TNIK: variants seen among roughly 807,000 people sequenced by gnomAD.
TNIK encodes TRAF2 and NCK-interacting protein kinase.
A neutral mutation model predicts 191.3 loss-of-function variants in TNIK; 49 were observed. That is an observed-to-expected ratio of 0.26 (90% CI 0.20 to 0.32). TNIK has a LOEUF of 0.32. TNIK is among the 10% of genes least tolerant of loss of function. The pLI is 1.00. For missense variants in TNIK, 1,155 were observed against 1,702.3 expected (o/e 0.68, Z 5.66); for synonymous variants, 594 against 600.9 (o/e 0.99, Z 0.17).
chr3:171,381,950 G>T lies in TNIK; in HGVS notation c.58-12265C>A, dbSNP rs572124578. 9.2e-5 allele frequency among the ~76,000 whole-genome samples: 14 copies of T among 152,298 alleles called. 2 individuals are homozygous for T. The highest frequency in any genetic ancestry group is 3.4e-4 in the African/African-American group (14 of 41,562). ...AATAAAATGATCCTATGGTTCTGAC[G>T]ATCATGGAGCTACCATGCTACCGCT... On this transcript the variant is annotated intron_variant, in intron 1 of 32. Transcript: ENST00000436636.
In TNIK at chr3:171,312,787, G is replaced by C. The variant is rs370193057; in HGVS notation, c.123+56833C>G. Among the ~76,000 whole-genome samples, 4 of 152,050 alleles carry C rather than the reference G, an allele frequency of 2.6e-5. No homozygotes were observed. The East Asian group carries it at 7.7e-4, about 29-fold the overall frequency. ...TTCATGGCCTTACCTGTGTGTCTCTGACAATATTACTACTTTGGCTTTCAC... is the reference window on the plus strand; with the variant it reads ...TTCATGGCCTTACCTGTGTGTCTCTCACAATATTACTACTTTGGCTTTCAC... On this transcript the variant is annotated intron_variant, in intron 2 of 32. Transcript: ENST00000436636.
At chr3:171,217,339 C>G (rs965176354) in intron 3 of TNIK, among the ~76,000 whole-genome samples, 1 of 152,068 alleles carries the variant, frequency 6.6e-6, no homozygotes, top group Non-Finnish European at 1.5e-5. Context: ...TGAATGGGTG[C>G]TAAGCATTGG....
At chr3:171,338,706 T>C (rs1386252961) in intron 2 of TNIK, among the ~76,000 whole-genome samples, 1 of 150,644 alleles carries the variant, frequency 6.6e-6, no homozygotes, top group Non-Finnish European at 1.5e-5. Flanking sequence ...GATTTCATCA[T>C]GTTGCCCAAG....
chr3:171,157,384 G>T, intron 12 of TNIK, 76 bp downstream of exon 12: 1 of 1,504,140 alleles, frequency 6.6e-7, no homozygotes. Flanking sequence ...GGTGGGATGT[G>T]GGCCCCCAGG....
Position 171,159,400 on chromosome 3 carries a change from GTAGT to G in TNIK, c.1017-1740_1017-1737del, listed in dbSNP as rs35763361. On this transcript the variant is annotated intron_variant, in intron 11 of 32. Transcript: ENST00000436636. The surrounding 1 kb of genome is among the most constrained non-coding windows in gnomAD (Gnocchi z 4.1). ...GAGGACCAAGGATCGGTTTTGGAGA[GTAGT>G]TAGTGTGCTGTGTGAGATACTGCCA... 0.52 allele frequency among the ~76,000 whole-genome samples: 78,216 copies of G among 151,262 alleles called. 21,476 individuals are homozygous for G. Among genetic ancestry groups the G allele is most frequent in the East Asian group, 0.87 (4,454 of 5,106 alleles).
chr3:171,413,692 T>C (rs1164587770), intron 1 of TNIK, among the ~76,000 whole-genome samples: 5 of 152,224 alleles, frequency 3.3e-5, no homozygotes, highest in African/African-American at 1.2e-4. Flanking sequence ...TTTACTACTA[T>C]GTAACTTTCC....
chr3:171,363,495 G>A (rs1715272093), intron 2 of TNIK, among the ~76,000 whole-genome samples: 1 of 151,486 alleles, frequency 6.6e-6, no homozygotes, highest in Admixed American at 6.6e-5. Context: ...CTTTATGTTA[G>A]AAATTCTTGA....
intron 24 of TNIK, among the ~76,000 whole-genome samples, chr3:171,085,948 C>T (rs1055208509): frequency 1.3e-5 from 2 of 152,084 alleles, no homozygotes; most frequent in Non-Finnish European, 2.9e-5. Context: ...AACATGATGT[C>T]AGAAGGAGAT....
intron 12 of TNIK, among the ~76,000 whole-genome samples, chr3:171,142,821 C>T (rs537389832): frequency 6.6e-6 from 1 of 152,178 alleles, no homozygotes; most frequent in Admixed American, 6.5e-5. Flanking sequence ...TGGATCCTGG[C>T]AGGAAATAGC....
At chr3:171,345,870 CAG>C (rs1209208667) in intron 2 of TNIK, among the ~76,000 whole-genome samples, 1 of 152,044 alleles carries the variant, frequency 6.6e-6, no homozygotes, top group Non-Finnish European at 1.5e-5. Context: ...TCAACAAAAA[CAG>C]AATCCTTATT....
intron 2 of TNIK, among the ~76,000 whole-genome samples, chr3:171,295,258 T>C (rs1752157923): frequency 6.6e-6 from 1 of 152,188 alleles, no homozygotes. Context: ...TAGGTTATGT[T>C]TCTTCAAAGC....
At chr3:171,223,676 C>A (rs1053925938) in intron 3 of TNIK, among the ~76,000 whole-genome samples, 11 of 152,056 alleles carry the variant, frequency 7.2e-5, no homozygotes, top group Non-Finnish European at 1.6e-4. Flanking sequence ...TGGTTAGCTG[C>A]TGAAAGGATC....
chr3:171,451,507 T>C (rs756555953), intron 1 of TNIK, among the ~76,000 whole-genome samples: 13 of 152,242 alleles, frequency 8.5e-5, no homozygotes, highest in Admixed American at 2.0e-4. Context: ...AAATGGTTAT[T>C]GTTGTTTAGG....
intron 10 of TNIK, among the ~76,000 whole-genome samples, chr3:171,161,893 A>G (rs1313756430): frequency 2.6e-5 from 4 of 151,748 alleles, no homozygotes; most frequent in Admixed American, 2.0e-4. Flanking sequence ...GCACTCTAGC[A>G]TGGGCGACAG....
chr3:171,058,887 C>T lies in TNIK; in HGVS notation c.*4994G>A, dbSNP rs1369227946. On this transcript the variant is annotated 3_prime_UTR_variant, in exon 33 of 33. Transcript: ENST00000436636. ...AGCTGTAATCTTTTGTTTCCTGCTG[C>T]CACCTAACATTTGAAGTTTTGATTC... Among the ~76,000 whole-genome samples the T allele has an allele frequency of 6.6e-6, 1 of 152,168 alleles. No homozygotes were observed. Among genetic ancestry groups the T allele is most frequent in the African/African-American group, 2.4e-5 (1 of 41,452 alleles).
chr3:171,123,076 A>G (rs1054389712), intron 18 of TNIK, among the ~76,000 whole-genome samples: 1 of 152,220 alleles, frequency 6.6e-6, no homozygotes, highest in Non-Finnish European at 1.5e-5. Context: ...CAAAGAGGCA[A>G]CTTCCTCGTA....
chr3:171,154,880 C>A (rs1732962059), intron 12 of TNIK, among the ~76,000 whole-genome samples: 1 of 152,214 alleles, frequency 6.6e-6, no homozygotes, highest in African/African-American at 2.4e-5. Flanking sequence ...AAGCCACGTC[C>A]TTTTCATAAA....
chr3:171,093,892 C>T lies in TNIK; in HGVS notation c.2668G>A (p.Ala890Thr), dbSNP rs1026090427. Residue 890 changes from alanine (A) to threonine (T), a missense_variant, in exon 23 of 33, where the codon GCG becomes ACG. Coordinates refer to ENST00000436636, the MANE Select transcript of TNIK (RefSeq NM_015028.4). The part of the protein sequence containing the change: ...VGTHGLETSH[A>T]DSFSGSISRE... ...GAAATACTGCCGCTGAAACTGTCCG[C>T]ATGAGAGGTCTCCAGCCCATGCGTC... 7.4e-6 allele frequency: 12 copies of T among 1,613,836 alleles called. No homozygotes were observed. Among genetic ancestry groups the T allele is most frequent in the South Asian group, 1.1e-5 (1 of 91,080 alleles).
At chr3:171,154,415 A>G (rs1732903500) in intron 12 of TNIK, among the ~76,000 whole-genome samples, 1 of 152,212 alleles carries the variant, frequency 6.6e-6, no homozygotes, top group Admixed American at 6.5e-5. Flanking sequence ...AGAATAAAAC[A>G]TACTACCAGG....
Sources: gnomAD v4.1 joint callset for allele counts (sites outside exome capture counted in the v4.1 genomes callset) on GRCh38, gnomAD v4.1.1 for gene constraint, Gnocchi (gnomAD v3.1) non-coding constraint, MANE v1.5 for transcripts, NCBI Gene and HGNC (gene_info 2026-07-23, HGNC 2026-07-21) for gene names.